The following RBFOX1 variants were observed in gnomAD, a reference collection of about 807,000 sequenced individuals.
RBFOX1 encodes RNA binding protein fox-1 homolog 1.
A neutral mutation model predicts 57.7 loss-of-function variants in RBFOX1; 8 were observed. The ratio of observed to expected loss-of-function variants is 0.14; its 90% CI spans 0.08 to 0.25. The LOEUF (loss-of-function observed/expected upper bound fraction) is 0.25. Ranked by LOEUF, RBFOX1 falls within the 10% of genes least tolerant of loss-of-function variation. The pLI is 1.00. For missense variants in RBFOX1, 611 were observed against 548.5 expected (o/e 1.11, Z -1.14); for synonymous variants, 326 against 222.4 (o/e 1.47, Z -4.15).
intron 3 of RBFOX1, among the ~76,000 whole-genome samples, chr16:5,795,192 T>C (rs2151740920): frequency 6.6e-6 from 1 of 152,270 alleles, no homozygotes; most frequent in South Asian, 2.1e-4. Context: ...TGTCAAGAAA[T>C]GATTCTACGT....
chr16:7,093,304 A>C (rs2061166990), intron 4 of RBFOX1, among the ~76,000 whole-genome samples: 1 of 152,170 alleles, frequency 6.6e-6, no homozygotes. Context: ...TGTGATGTAT[A>C]CTGAGCTTGC....
chr16:5,909,398 C>G (rs1298368719), intron 4 of RBFOX1, among the ~76,000 whole-genome samples: 1 of 151,936 alleles, frequency 6.6e-6, no homozygotes, highest in Non-Finnish European at 1.5e-5. Flanking sequence ...GGCCCAAGCC[C>G]TTTCTAAAAA....
At chr16:5,442,315 G>C (rs1351717880) in intron 1 of RBFOX1, among the ~76,000 whole-genome samples, 1 of 152,218 alleles carries the variant, frequency 6.6e-6, no homozygotes, top group African/African-American at 2.4e-5. Flanking sequence ...CGGAGCTGCA[G>C]AGGGAGCCAG....
At chr16:6,603,989 G>C (rs2097890859) in intron 2 of RBFOX1, among the ~76,000 whole-genome samples, 1 of 152,162 alleles carries the variant, frequency 6.6e-6, no homozygotes, top group East Asian at 1.9e-4. Context: ...TCCCAGCCTT[G>C]GGGGTTCTGC....
intron 3 of RBFOX1, among the ~76,000 whole-genome samples, chr16:6,737,335 T>C (rs781193589): frequency 2.7e-5 from 4 of 150,888 alleles, no homozygotes; most frequent in Non-Finnish European, 4.4e-5. Context: ...TTTAGAAGTA[T>C]AAAAATGCAT....
chr16:6,617,142 G>C (rs962906812), intron 2 of RBFOX1, among the ~76,000 whole-genome samples: 3 of 152,010 alleles, frequency 2.0e-5, no homozygotes, highest in African/African-American at 4.8e-5. Flanking sequence ...GTGGTACAAG[G>C]AGAGGTCCTC....
chr16:6,264,649 C>T (rs553465192), intron 1 of RBFOX1, among the ~76,000 whole-genome samples: 2 of 152,260 alleles, frequency 1.3e-5, no homozygotes, highest in Admixed American at 6.5e-5. Context: ...ATGTGCTCTT[C>T]CCCTTCCTTG....
chr16:6,370,053 AT>A (rs1567137720), intron 2 of RBFOX1, among the ~76,000 whole-genome samples: 1 of 152,044 alleles, frequency 6.6e-6, no homozygotes, highest in African/African-American at 2.4e-5. Context: ...TGATCTTGAC[AT>A]TTTTTTAAGA....
At chr16:6,083,275 T>C (rs59708281) in intron 1 of RBFOX1, among the ~76,000 whole-genome samples, 5,002 of 152,212 alleles carry the variant, frequency 0.033, 296 homozygotes, top group African/African-American at 0.11. Context: ...AGTTCTAGGA[T>C]TACAGGCGTG....
chr16:5,300,759 A>G (rs1168965841), intron 1 of RBFOX1, among the ~76,000 whole-genome samples: 1 of 152,080 alleles, frequency 6.6e-6, no homozygotes, highest in Admixed American at 6.5e-5. Context: ...CCTTTCATCT[A>G]GGTTGTTGAA....
At chr16:6,932,847 A>C (rs2076782495) in intron 3 of RBFOX1, among the ~76,000 whole-genome samples, 1 of 152,212 alleles carries the variant, frequency 6.6e-6, no homozygotes, top group Non-Finnish European at 1.5e-5. Context: ...TCTCTAGAAC[A>C]TTATTCATCT....
At position 5,564,158 on chromosome 16, in the gene RBFOX1, C is replaced by G. The variant is rs146399311; in HGVS notation, c.259-34744C>G. Among the ~76,000 whole-genome samples the G allele has an allele frequency of 9.2e-3, 1,397 of 152,070 alleles. 12 individuals carry two copies. The highest frequency in any genetic ancestry group is 0.041 in the Middle Eastern group (12 of 294). ...CATCCAGATAGCTGAGATTATGGTC[C>G]GCACCACCATGCCTGGCTAATTTTT... On this transcript the variant is annotated intron_variant, in intron 2 of 2. Transcript: ENST00000585867.
chr16:7,671,668 CAAGAT>C, intron 13 of RBFOX1: 1 of 1,381,232 alleles, frequency 7.2e-7, no homozygotes, highest in South Asian at 1.2e-5. Flanking sequence ...TCCTTACTAA[CAAGAT>C]AATTCTGGGG....
rs59873374 is a variant in RBFOX1, at chr16:5,544,951, C to CTTT, written c.259-53910_259-53908dup. On this transcript the variant is annotated intron_variant, in intron 2 of 2. Coordinates refer to the RBFOX1 transcript ENST00000585867. ...GTATAGATGGCCTTACTATTACATT[C>CTTT]TTTTTTTTTTTTTTTTTTTTTTTTT... Among the ~76,000 whole-genome samples, 465 of 124,280 alleles carry CTTT rather than the reference C, an allele frequency of 3.7e-3. 33 individuals carry two copies. The highest frequency in any genetic ancestry group is 5.1e-3 in the Non-Finnish European group (313 of 60,930). 81.5% of individuals were successfully genotyped at this position (124,280 alleles called of 152,430 possible).
At chr16:7,195,347 T>C (rs1044222327) in intron 4 of RBFOX1, among the ~76,000 whole-genome samples, 4 of 152,160 alleles carry the variant, frequency 2.6e-5, no homozygotes, top group South Asian at 2.1e-4. Flanking sequence ...CTAGCCAGTT[T>C]CACCAATGAC....
chr16:6,576,652 GGCA>G (rs1567743864), intron 2 of RBFOX1, among the ~76,000 whole-genome samples: 1 of 120,152 alleles, frequency 8.3e-6, no homozygotes, highest in African/African-American at 2.7e-5. Context: ...TATTTTTGTT[GGCA>G]GGGTGAGGGA....
intron 2 of RBFOX1, among the ~76,000 whole-genome samples, chr16:6,651,581 G>C (rs932517605): frequency 3.3e-5 from 5 of 152,234 alleles, no homozygotes; most frequent in African/African-American, 1.2e-4. Flanking sequence ...GATGTGGACA[G>C]ATTGGAACAC....
intron 4 of RBFOX1, among the ~76,000 whole-genome samples, chr16:7,461,178 T>TG (rs1339034639): frequency 1.3e-5 from 2 of 152,098 alleles, no homozygotes; most frequent in East Asian, 3.9e-4. Context: ...CAAAACAATT[T>TG]TTTTTTTTTT....
At chr16:5,636,927 G>C (rs1264287907) in intron 3 of RBFOX1, among the ~76,000 whole-genome samples, 1 of 152,192 alleles carries the variant, frequency 6.6e-6, no homozygotes, top group African/African-American at 2.4e-5. Flanking sequence ...GCCTGAGCCT[G>C]CTGGCCTTGG....
Sources: gnomAD v4.1 joint callset for allele counts (sites outside exome capture counted in the v4.1 genomes callset) on GRCh38, gnomAD v4.1.1 for gene constraint, MANE v1.5 for transcripts, NCBI Gene and HGNC (gene_info 2026-07-23, HGNC 2026-07-21) for gene names.